PRIM2: variants seen among roughly 807,000 people sequenced by gnomAD.
PRIM2 encodes DNA primase subunit 2.
Under a neutral mutation model 67.3 loss-of-function variants are expected in PRIM2, and 39 were observed. The observed-to-expected ratio is 0.58, with a 90% CI of 0.45 to 0.76. The LOEUF (loss-of-function observed/expected upper bound fraction) is 0.76. PRIM2 is among the 30% of genes least tolerant of loss of function. The pLI is 0.00. For synonymous variants in PRIM2, 143 were observed against 198.7 expected (o/e 0.72, Z 2.36); for missense variants, 398 against 598.7 (o/e 0.66, Z 3.50).
chr6:57,439,156 A>G (rs954400338), intron 7 of PRIM2, among the ~76,000 whole-genome samples: 4 of 152,104 alleles, frequency 2.6e-5, no homozygotes, highest in Non-Finnish European at 5.9e-5. Flanking sequence ...ATTTTTAGTC[A>G]TGGTCACTTT....
At chr6:57,228,429 A>T in the PRIM2 span, among the ~76,000 whole-genome samples, 1 of 152,228 alleles carries the variant, frequency 6.6e-6, no homozygotes, top group Non-Finnish European at 1.5e-5. Flanking sequence ...GTTGCAGCTG[A>T]ATTCTCATTT....
chr6:57,408,359 A>G (rs1770971261), intron 7 of PRIM2, among the ~76,000 whole-genome samples: 2 of 152,214 alleles, frequency 1.3e-5, no homozygotes, highest in Non-Finnish European at 1.5e-5. Context: ...TGCCAGGTAT[A>G]TGAAGAGGCT....
chr6:57,308,361 G>A, the PRIM2 span, among the ~76,000 whole-genome samples: 2 of 152,118 alleles, frequency 1.3e-5, no homozygotes, highest in African/African-American at 4.8e-5. Flanking sequence ...GGGCTCCAGT[G>A]TTCCACCCTC....
At chr6:57,257,685 C>G in the PRIM2 span, among the ~76,000 whole-genome samples, 2 of 152,138 alleles carry the variant, frequency 1.3e-5, no homozygotes, top group African/African-American at 4.8e-5. Flanking sequence ...CTAGCTCCTC[C>G]CTTTTCTAAC....
chr6:57,333,350 G>A (rs1459120562), intron 5 of PRIM2, among the ~76,000 whole-genome samples: 3 of 152,122 alleles, frequency 2.0e-5, no homozygotes, highest in African/African-American at 7.2e-5. Flanking sequence ...TGGAGATATT[G>A]CTTGCTGAAC....
chr6:57,489,137 C>A (rs1773820383), intron 7 of PRIM2, among the ~76,000 whole-genome samples: 1 of 152,352 alleles, frequency 6.6e-6, no homozygotes, highest in African/African-American at 2.4e-5. Context: ...ACTGAAACAT[C>A]TCATGCTTAG....
chr6:57,633,254 G>T (rs1777064122), intron 13 of PRIM2, among the ~76,000 whole-genome samples: 1 of 152,098 alleles, frequency 6.6e-6, no homozygotes, highest in African/African-American at 2.4e-5. Context: ...TTCTAACCTG[G>T]GAAAGACATC....
At chr6:57,568,961 G>A (rs1473944722) in intron 10 of PRIM2, among the ~76,000 whole-genome samples, 4 of 152,230 alleles carry the variant, frequency 2.6e-5, no homozygotes, top group Non-Finnish European at 4.4e-5. Flanking sequence ...TTTTGGTGAC[G>A]ATCAAGACTT....
At chr6:57,330,744 GT>G (rs1236418292) in intron 5 of PRIM2, among the ~76,000 whole-genome samples, 1 of 151,794 alleles carries the variant, frequency 6.6e-6, no homozygotes, top group African/African-American at 2.4e-5. Flanking sequence ...TTAGCTGTGA[GT>G]TTTTTTTATA....
intron 10 of PRIM2, among the ~76,000 whole-genome samples, chr6:57,578,535 A>G (rs1350996448): frequency 6.6e-6 from 1 of 152,032 alleles, no homozygotes; most frequent in Non-Finnish European, 1.5e-5. Flanking sequence ...ACATTCATGG[A>G]TATGTATTTC....
intron 7 of PRIM2, among the ~76,000 whole-genome samples, chr6:57,493,698 T>G (rs1171879850): frequency 5.3e-4 from 81 of 152,358 alleles, no homozygotes; most frequent in African/African-American, 1.8e-3. Context: ...CTCCTAGTTT[T>G]ATAACTGTTG....
At chr6:57,451,870 G>A (rs1186243380) in intron 7 of PRIM2, among the ~76,000 whole-genome samples, 3 of 151,158 alleles carry the variant, frequency 2.0e-5, no homozygotes, top group Non-Finnish European at 4.4e-5. Flanking sequence ...CCATGTTGGT[G>A]TGCTGAACCC....
intron 12 of PRIM2, among the ~76,000 whole-genome samples, chr6:57,624,687 G>T (rs1776916339): frequency 6.6e-6 from 1 of 152,142 alleles, no homozygotes; most frequent in South Asian, 2.1e-4. Flanking sequence ...ATTGAGTGAG[G>T]ATTGTATTCC....
intron 12 of PRIM2, among the ~76,000 whole-genome samples, chr6:57,631,465 G>C (rs1484394435): frequency 6.6e-6 from 1 of 152,132 alleles, no homozygotes; most frequent in Admixed American, 6.6e-5. Flanking sequence ...ACATGAAGTA[G>C]AGTTGGAAAG....
intron 8 of PRIM2, among the ~76,000 whole-genome samples, chr6:57,529,169 T>G (rs1174979352): frequency 2.0e-5 from 3 of 151,838 alleles, no homozygotes; most frequent in South Asian, 2.1e-4. Context: ...AATTAGCCGG[T>G]CGTGGTGGTG....
At chr6:57,357,628 T>C (rs1214575076) in intron 5 of PRIM2, among the ~76,000 whole-genome samples, 1 of 150,802 alleles carries the variant, frequency 6.6e-6, no homozygotes, top group Non-Finnish European at 1.5e-5. Flanking sequence ...AGTTTCGCTC[T>C]TGTTGCCCAG....
chr6:57,400,426 C>T (rs1770668921), intron 7 of PRIM2, among the ~76,000 whole-genome samples: 1 of 152,068 alleles, frequency 6.6e-6, no homozygotes, highest in South Asian at 2.1e-4. Flanking sequence ...AATATAGGCC[C>T]CTAATCTTTT....
intron 7 of PRIM2, among the ~76,000 whole-genome samples, chr6:57,403,590 G>A (rs1241036893): frequency 1.2e-4 from 18 of 152,120 alleles, no homozygotes; most frequent in African/African-American, 4.3e-4. Flanking sequence ...AGAAGTTTTG[G>A]ATTTTCCTTT....
At chr6:57,378,910 T>C (rs1270404395) in intron 5 of PRIM2, among the ~76,000 whole-genome samples, 3 of 151,860 alleles carry the variant, frequency 2.0e-5, no homozygotes, top group South Asian at 2.1e-4. Flanking sequence ...ACTAGATACA[T>C]GTTGGACATT....
Sources: allele counts gnomAD v4.1 joint callset (sites outside exome capture counted in the v4.1 genomes callset), GRCh38; gene constraint gnomAD v4.1.1; transcripts MANE v1.5; gene names NCBI Gene and HGNC (gene_info 2026-07-23, HGNC 2026-07-21).